Variants in LRP1B observed in about 807,000 individuals in gnomAD.
The protein encoded by LRP1B is LDL receptor related protein 1B.
In LRP1B, 217 loss-of-function variants were observed where a neutral mutation model predicts 556.6. That is an observed-to-expected ratio of 0.39 (90% CI 0.35 to 0.44). The LOEUF (loss-of-function observed/expected upper bound fraction) is 0.44, where lower values mean the gene tolerates loss of function less well. Among genes scored for constraint, LRP1B ranks in the 20% least tolerant of loss-of-function variants. LRP1B has a pLI of 1.00. For synonymous variants in LRP1B, 2,047 were observed against 1,865.8 expected, an observed-to-expected ratio of 1.10 and a Z score of -2.50; for missense variants, 5,053 against 5,620.8, an observed-to-expected ratio of 0.90 and a Z score of 3.23.
chr2:141,870,772 GA>G (rs995902337), intron 1 of LRP1B, among the ~76,000 whole-genome samples: 13 of 151,638 alleles, frequency 8.6e-5, no homozygotes, highest in Admixed American at 6.6e-5. Flanking sequence ...TCATCGTGGT[GA>G]AAAAAAATTA....
At chr2:141,011,987 C>T (rs1697763390) in intron 14 of LRP1B, among the ~76,000 whole-genome samples, 1 of 152,024 alleles carries the variant, frequency 6.6e-6, no homozygotes, top group South Asian at 2.1e-4. Context: ...ATTTGTTTGT[C>T]AGGCACAGTG....
rs920188955 is a variant in LRP1B, at chr2:141,779,515, C to G, written c.205+30764G>C. Among the ~76,000 whole-genome samples, 9 of 149,432 alleles carry G rather than the reference C, an allele frequency of 6.0e-5. No homozygotes were observed. In the Admixed American group the frequency reaches 6.1e-4, roughly 10 times the overall value. On this transcript the variant is annotated intron_variant, in intron 2 of 90. Transcript: ENST00000389484. ...GCTCACTGCAACCTCTGCCCAGGTT[C>G]AAGCGATTCTGCTGCCTCAGCCTCC...
At chr2:140,939,954 C>G (rs1695348290) in intron 20 of LRP1B, among the ~76,000 whole-genome samples, 2 of 137,708 alleles carry the variant, frequency 1.5e-5, no homozygotes, top group Admixed American at 1.6e-4. Flanking sequence ...GGTGCAATTT[C>G]AGTTCACTGC....
At chr2:142,129,148 G>T (rs1274595689) in intron 1 of LRP1B, among the ~76,000 whole-genome samples, 1 of 152,190 alleles carries the variant, frequency 6.6e-6, no homozygotes, top group Non-Finnish European at 1.5e-5. Flanking sequence ...TCCTAAGAAA[G>T]GTTGAGAGCT....
intron 7 of LRP1B, among the ~76,000 whole-genome samples, chr2:141,172,120 A>G (rs984807463): frequency 2.0e-5 from 3 of 152,138 alleles, no homozygotes; most frequent in African/African-American, 7.2e-5. Flanking sequence ...TTGATATCAC[A>G]TATGAGAAGA....
intron 78 of LRP1B, 116 bp from the exon 79 acceptor site, chr2:140,334,675 TAA>T: frequency 1.8e-6 from 1 of 543,468 alleles, no homozygotes; most frequent in Non-Finnish European, 3.3e-6. Flanking sequence ...CAGAGTCTCT[TAA>T]AAAGAGTCAA....
intron 6 of LRP1B, among the ~76,000 whole-genome samples, chr2:141,205,927 G>T (rs548112265): frequency 3.0e-4 from 45 of 152,202 alleles, no homozygotes; most frequent in African/African-American, 1.0e-3. Context: ...CCCGTTCTTT[G>T]ATAGCCATGA....
chr2:141,393,737 G>A (rs989646039), intron 3 of LRP1B, among the ~76,000 whole-genome samples: 3 of 151,754 alleles, frequency 2.0e-5, no homozygotes, highest in African/African-American at 7.3e-5. Context: ...AGCAACAACA[G>A]AATAACAAAG....
intron 1 of LRP1B, among the ~76,000 whole-genome samples, chr2:141,903,248 G>A (rs1332316139): frequency 6.6e-6 from 1 of 151,626 alleles, no homozygotes; most frequent in African/African-American, 2.4e-5. Context: ...GTATAGTTGG[G>A]ACTTGACTAA....
At chr2:140,332,109 C>T (rs1166098534) in intron 79 of LRP1B, among the ~76,000 whole-genome samples, 1 of 152,022 alleles carries the variant, frequency 6.6e-6, no homozygotes, top group Non-Finnish European at 1.5e-5. Flanking sequence ...GTATCTGACT[C>T]CAATGAAGAG....
At chr2:141,980,540 G>A (rs1016000124) in intron 1 of LRP1B, among the ~76,000 whole-genome samples, 34 of 152,224 alleles carry the variant, frequency 2.2e-4, no homozygotes, top group African/African-American at 7.7e-4. Context: ...CTGACATTCA[G>A]TGGAGAAACT....
intron 20 of LRP1B, among the ~76,000 whole-genome samples, chr2:140,942,622 C>T (rs1319556710): frequency 2.0e-5 from 3 of 152,038 alleles, no homozygotes; most frequent in African/African-American, 4.8e-5. Flanking sequence ...CAGAAGAGAT[C>T]GTGAGCCTAT....
At chr2:142,119,684 A>G (rs1056483062) in intron 1 of LRP1B, among the ~76,000 whole-genome samples, 2 of 152,060 alleles carry the variant, frequency 1.3e-5, no homozygotes, top group African/African-American at 4.8e-5. Flanking sequence ...TTTTTCATAT[A>G]TTCTCTAGGC....
intron 66 of LRP1B, among the ~76,000 whole-genome samples, chr2:140,415,189 A>G (rs918916215): frequency 5.3e-5 from 8 of 152,164 alleles, no homozygotes; most frequent in Middle Eastern, 3.4e-3. Context: ...TAAGATGTTT[A>G]TCAAGACAAT....
chr2:140,707,215 T>C (rs1213442796), intron 37 of LRP1B, among the ~76,000 whole-genome samples: 1 of 152,080 alleles, frequency 6.6e-6, no homozygotes, highest in Non-Finnish European at 1.5e-5. Context: ...ATGATTTAGA[T>C]CCTTTGTTAC....
intron 60 of LRP1B, among the ~76,000 whole-genome samples, chr2:140,472,810 T>C (rs763407570): frequency 1.3e-5 from 2 of 152,104 alleles, no homozygotes; most frequent in Non-Finnish European, 2.9e-5. Context: ...ATTTGGCTTA[T>C]GAGAAAGGGC....
chr2:140,917,041 G>A (rs866075548), intron 21 of LRP1B, among the ~76,000 whole-genome samples: 15 of 152,196 alleles, frequency 9.9e-5, no homozygotes, highest in Middle Eastern at 3.4e-3. Context: ...TAGGTTGTTT[G>A]GGACCTTTAA....
chr2:142,006,370 T>G (rs948204285), intron 1 of LRP1B, among the ~76,000 whole-genome samples: 1 of 152,234 alleles, frequency 6.6e-6, no homozygotes, highest in Non-Finnish European at 1.5e-5. Flanking sequence ...TGTGTCATAC[T>G]TCTGGCAAGC....
chr2:141,656,936 A>G (rs928194754), intron 2 of LRP1B, among the ~76,000 whole-genome samples: 8 of 152,124 alleles, frequency 5.3e-5, no homozygotes, highest in Admixed American at 2.6e-4. Context: ...GCACGAGTAT[A>G]AAGTAGGACA....
Sources: allele counts gnomAD v4.1 joint callset (sites outside exome capture counted in the v4.1 genomes callset), GRCh38; gene constraint gnomAD v4.1.1; transcripts MANE v1.5; gene names NCBI Gene and HGNC (gene_info 2026-07-23, HGNC 2026-07-21).